SMC1A: variants seen among roughly 807,000 people sequenced by gnomAD.
SMC1A encodes structural maintenance of chromosomes 1A.
SMC1A carries 4 observed loss-of-function variants against 94.5 expected under a neutral mutation model. The ratio of observed to expected loss-of-function variants is 0.04; its 90% CI spans 0.02 to 0.10. SMC1A has a LOEUF of 0.10. Among genes scored for constraint, SMC1A ranks in the 10% least tolerant of loss-of-function variants. The pLI is 1.00. For synonymous variants in SMC1A, 345 were observed against 347.7 expected (o/e 0.99, Z 0.09); for missense variants, 304 against 989.0 (o/e 0.31, Z 9.29).
chrX:53,399,893 T>C (rs1222899507), intron 15 of SMC1A, among the ~76,000 whole-genome samples, 163 bp from the exon 16 acceptor site: 1 of 111,262 alleles, frequency 9.0e-6, no homozygotes, highest in Non-Finnish European at 1.9e-5. Context: ...CATATGCACA[T>C]AAAACGGTCC....
At chrX:53,386,584 A>C (rs1485555333) in intron 19 of SMC1A, among the ~76,000 whole-genome samples, 1 of 111,689 alleles carries the variant, frequency 9.0e-6, no homozygotes, top group Non-Finnish European at 1.9e-5. Context: ...AAAAACAAAA[A>C]AACTGCAAGT....
At chrX:53,399,773 G>A (rs782205733) in intron 15 of SMC1A, 43 bp from the exon 16 acceptor site, 1 of 1,162,111 alleles carries the variant, frequency 8.6e-7, no homozygotes, top group Non-Finnish European at 1.2e-6. Context: ...AATCTCATCA[G>A]CCAGAGATAA....
chrX:53,413,551 G>T, intron 3 of SMC1A, 116 bp from the exon 4 acceptor site: 1 of 663,639 alleles, frequency 1.5e-6, no homozygotes, highest in Non-Finnish European at 2.4e-6. Context: ...TGCCCCTGCT[G>T]CCACATTTCA....
intron 19 of SMC1A, among the ~76,000 whole-genome samples, chrX:53,391,203 T>A (rs782115107): frequency 5.2e-4 from 57 of 109,001 alleles, no homozygotes; most frequent in Admixed American, 2.2e-3. Flanking sequence ...TAATCCCAGC[T>A]ACTCAGGACG....
chrX:53,394,761 C>CCGGGGTTT lies in SMC1A; in HGVS notation c.2973+16_2973+17insAAACCCCG. On this transcript the variant is annotated intron_variant, in intron 19 of 24. Coordinates refer to ENST00000322213, the MANE Select transcript of SMC1A (RefSeq NM_006306.4). ...CCCAACCCCCACCCCCACCACACCC[C>CCGGGGTTT]TGTGGTTGATCCTCACCTTCAGATC... is the stretch of plus-strand genomic sequence containing the variant. 1 of 903,451 alleles carries CCGGGGTTT rather than the reference C, an allele frequency of 1.1e-6. No individual in the cohort carries two copies. The highest frequency in any genetic ancestry group is 1.6e-6 in the Non-Finnish European group (1 of 620,626). 74.5% of individuals were successfully genotyped at this position (903,451 alleles called of 1,213,427 possible). A position where few individuals can be genotyped will look rare whatever the true frequency, so the allele number is the denominator to read the frequency against.
chrX:53,405,885 G>T lies in SMC1A; in HGVS notation c.1617C>A (p.Gly539=). 1 of 1,211,136 alleles carries T rather than the reference G, an allele frequency of 8.3e-7. No homozygotes were observed. Among genetic ancestry groups the T allele is most frequent in the Non-Finnish European group, 1.1e-6 (1 of 895,062 alleles). ...CCACAATAATGGCATCCATGTTCTT[G>T]CCCAAAACCTTGGTTACAGCAATCT... The part of the protein sequence containing the change: ...KYQIAVTKVL[G]KNMDAIIVDS... The change falls in exon 10 of 25, where the codon GGC becomes GGA. Residue 539 remains glycine (G), a synonymous_variant. Coordinates refer to ENST00000322213, the MANE Select transcript of SMC1A (RefSeq NM_006306.4).
chrX:53,387,514 C>A (rs782692698), intron 19 of SMC1A, among the ~76,000 whole-genome samples: 1 of 111,647 alleles, frequency 9.0e-6, no homozygotes, highest in African/African-American at 3.3e-5. Context: ...ACAAAAAAAC[C>A]GCATTTAATA....
chrX:53,416,713 T>C lies in SMC1A; in HGVS notation c.110-1544A>G, dbSNP rs782015815. Among the ~76,000 whole-genome samples the C allele has an allele frequency of 6.5e-5, 7 of 108,483 alleles. No homozygotes were observed. In the East Asian group the frequency reaches 9.0e-4, roughly 14 times the overall value. 94.2% of individuals were successfully genotyped at this position (108,483 alleles called of 115,157 possible). The stretch of plus-strand genomic sequence containing the variant: ...CCTGGGAGTTGTTTTTTAATGGGCA[T>C]AGATTTTCATTTTTGCAAGATGAAA... On this transcript the variant is annotated intron_variant, in intron 1 of 24. Transcript: ENST00000322213.
chrX:53,381,416 C>T (rs1404556022), intron 22 of SMC1A, among the ~76,000 whole-genome samples: 1 of 111,905 alleles, frequency 8.9e-6, no homozygotes, highest in Non-Finnish European at 1.9e-5. Context: ...CCCATTCCAA[C>T]ACATGCCATC....
chrX:53,419,031 ACT>A (rs1556891663), intron 1 of SMC1A, among the ~76,000 whole-genome samples: 2 of 80,037 alleles, frequency 2.5e-5, no homozygotes, highest in Non-Finnish European at 4.8e-5. Flanking sequence ...ACAGAGAGAG[ACT>A]CTGTCTCAAA....
At chrX:53,408,949 T>C in intron 9 of SMC1A, 113 bp downstream of exon 9, 2 of 732,827 alleles carry the variant, frequency 2.7e-6, no homozygotes, top group Admixed American at 2.5e-5. Context: ...CCGAGCCTCA[T>C]TTCCCCCAAC....
intron 19 of SMC1A, 112 bp from the exon 20 acceptor site, chrX:53,383,365 C>T: frequency 1.4e-6 from 1 of 725,201 alleles, no homozygotes; most frequent in East Asian, 3.5e-5. Flanking sequence ...ATACGGAGGG[C>T]AGGTTCTTCT....
At chrX:53,407,778 G>T (rs1556889961) in intron 9 of SMC1A, among the ~76,000 whole-genome samples, 1 of 111,494 alleles carries the variant, frequency 9.0e-6, no homozygotes, top group Non-Finnish European at 1.9e-5. Flanking sequence ...CACACTTCTG[G>T]TGTCAGAAGT....
At chrX:53,408,164 A>G (rs2075697985) in intron 9 of SMC1A, among the ~76,000 whole-genome samples, 1 of 111,517 alleles carries the variant, frequency 9.0e-6, no homozygotes, top group South Asian at 3.8e-4. Flanking sequence ...CCCCGTCTCT[A>G]CTAAAAATAC....
intron 1 of SMC1A, among the ~76,000 whole-genome samples, chrX:53,419,237 T>A (rs965909420): frequency 9.1e-6 from 1 of 109,291 alleles, no homozygotes; most frequent in Non-Finnish European, 1.9e-5. Flanking sequence ...GGTATAAGAC[T>A]ATGATTAGGT....
rs1556885261 is a variant in SMC1A at position 53,376,464 on chromosome X, C to G, written c.*3639G>C. On this transcript the variant is annotated 3_prime_UTR_variant, in exon 25 of 25. Transcript: ENST00000322213. ...GTATACAGCCAGTTTGGGAACCACA[C>G]TGTCCTACAAAACAAATCTGAATTC... 8.9e-6 allele frequency: 1 copy of G among 111,888 alleles called. No homozygotes were observed. The highest frequency in any genetic ancestry group is 9.5e-5 in the Admixed American group (1 of 10,570). The allele number at this position is 111,888 out of a possible 1,213,427, so 9.2% of individuals were successfully genotyped here. A position where few individuals can be genotyped will look rare whatever the true frequency, so the allele number is the denominator to read the frequency against.
chrX:53,410,941 A>AAAAAAAAAAAAAAAAAG (rs2075709798), intron 7 of SMC1A, among the ~76,000 whole-genome samples: 1 of 92,961 alleles, frequency 1.1e-5, no homozygotes, highest in African/African-American at 3.9e-5. Flanking sequence ...AAAAAAAAAA[A>AAAAAAAAAAAAAAAAAG]AAAAGTAGCC....
Position 53,375,550 on chromosome X carries a change from G to A in SMC1A, c.*4553C>T, listed in dbSNP as rs2075556727. The stretch of plus-strand genomic sequence containing the variant: ...AAAGAGGGAGTCAGAGTCCTGGCTT[G>A]GAAGAGCCTTACTGCACACTGGAGG... On this transcript the variant is annotated 3_prime_UTR_variant, in exon 25 of 25. Transcript: ENST00000322213. The A allele has an allele frequency of 9.1e-6, 1 of 110,467 alleles. No individual in the cohort carries two copies. Among genetic ancestry groups the A allele is most frequent in the African/African-American group, 3.3e-5 (1 of 30,315 alleles). The allele number at this position is 110,467 out of a possible 1,213,427, so 9.1% of individuals were successfully genotyped here. A position where few individuals can be genotyped will look rare whatever the true frequency, so the allele number is the denominator to read the frequency against.
At chrX:53,416,601 A>T (rs1304618864) in intron 1 of SMC1A, among the ~76,000 whole-genome samples, 1 of 109,934 alleles carries the variant, frequency 9.1e-6, no homozygotes, top group African/African-American at 3.3e-5. Flanking sequence ...CATGTTGGCC[A>T]GGATGGTCTC....
Sources: allele counts gnomAD v4.1 joint callset (sites outside exome capture counted in the v4.1 genomes callset), GRCh38; gene constraint gnomAD v4.1.1; transcripts MANE v1.5; gene names NCBI Gene and HGNC (gene_info 2026-07-23, HGNC 2026-07-21).